The following KDM7A variants were observed in gnomAD, a reference collection of about 807,000 sequenced individuals.
KDM7A encodes the protein lysine demethylase 7A, also known as lysine-specific demethylase 7A.
A neutral mutation model predicts 114.8 loss-of-function variants in KDM7A; 28 were observed. The observed-to-expected ratio is 0.24, with a 90% confidence interval of 0.18 to 0.33. The LOEUF (loss-of-function observed/expected upper bound fraction) is 0.33. Among genes scored for constraint, KDM7A ranks in the 10% least tolerant of loss-of-function variants. The pLI is 1.00. For missense variants in KDM7A, 942 were observed against 1,142.5 expected, an observed-to-expected ratio of 0.82 and a Z score of 2.53; for synonymous variants, 423 against 397.8, an observed-to-expected ratio of 1.06 and a Z score of -0.75.
At chr7:140,163,953 G>C (rs1406633747) in intron 1 of KDM7A, among the ~76,000 whole-genome samples, 1 of 152,114 alleles carries the variant, frequency 6.6e-6, no homozygotes, top group Admixed American at 6.6e-5. Context: ...TAATTATAAT[G>C]ATAAAGGTAT....
At chr7:140,145,285 C>A (rs886952420) in intron 1 of KDM7A, among the ~76,000 whole-genome samples, 4 of 151,946 alleles carry the variant, frequency 2.6e-5, no homozygotes, top group Admixed American at 1.3e-4. Flanking sequence ...TAAAGGATGA[C>A]CCGTGAAATG....
chr7:140,129,193 G>T (rs1818750406), intron 4 of KDM7A, among the ~76,000 whole-genome samples: 1 of 152,036 alleles, frequency 6.6e-6, no homozygotes, highest in African/African-American at 2.4e-5. Context: ...CTTCTTCCTG[G>T]TATCTATATC....
At chr7:140,098,826 A>G (rs887029576) in intron 14 of KDM7A, 53 bp downstream of exon 14, 1 of 1,448,386 alleles carries the variant, frequency 6.9e-7, no homozygotes, top group Non-Finnish European at 9.5e-7. Flanking sequence ...TACTTTACAT[A>G]TTATCACATT....
intron 1 of KDM7A, among the ~76,000 whole-genome samples, chr7:140,175,525 G>A (rs984869029): frequency 1.3e-5 from 2 of 152,186 alleles, no homozygotes; most frequent in African/African-American, 4.8e-5. Flanking sequence ...AAAGGTGACC[G>A]CAGGCTTTGC....
At position 140,086,423 on chromosome 7, in the gene KDM7A, T is replaced by A. The variant is rs1585132563; in HGVS notation, c.*4671A>T. 2.6e-5 allele frequency: 4 copies of A among 152,200 alleles called. No homozygotes were observed. Among genetic ancestry groups the A allele is most frequent in the Middle Eastern group, 6.8e-3 (2 of 294 alleles). The allele number at this position is 152,200 out of a possible 1,614,324, so 9.4% of individuals were successfully genotyped here. On this transcript the variant is annotated 3_prime_UTR_variant, in exon 20 of 20. Coordinates refer to ENST00000397560, the MANE Select transcript of KDM7A (RefSeq NM_030647.2). ...AAAAAAATACTATAGAAGAATAAAATCACAGTCACAACAAGCTCATTGCTT... is the reference window on the plus strand; with the variant it reads ...AAAAAAATACTATAGAAGAATAAAAACACAGTCACAACAAGCTCATTGCTT...
At chr7:140,132,608 A>G (rs918525771) in intron 3 of KDM7A, among the ~76,000 whole-genome samples, 3 of 152,376 alleles carry the variant, frequency 2.0e-5, no homozygotes, top group African/African-American at 7.2e-5. Flanking sequence ...TTGGAAACTG[A>G]TAAAAAAGAA....
chr7:140,168,676 C>T (rs1213392698), intron 1 of KDM7A, among the ~76,000 whole-genome samples: 1 of 152,002 alleles, frequency 6.6e-6, no homozygotes, highest in East Asian at 1.9e-4. Flanking sequence ...AAGAATTGAC[C>T]TAAGTAACTT....
At chr7:140,148,120 C>A (rs896058559) in intron 1 of KDM7A, among the ~76,000 whole-genome samples, 1 of 151,828 alleles carries the variant, frequency 6.6e-6, no homozygotes, top group Non-Finnish European at 1.5e-5. Flanking sequence ...GAGGTTTGAG[C>A]CCAAATAGGA....
At chr7:140,099,283 C>T (rs569175455) in intron 13 of KDM7A, among the ~76,000 whole-genome samples, 1 of 152,322 alleles carries the variant, frequency 6.6e-6, no homozygotes, top group Admixed American at 6.5e-5. Flanking sequence ...TAAGTTTGAA[C>T]TCCTGGGCTC....
intron 6 of KDM7A, among the ~76,000 whole-genome samples, chr7:140,126,132 T>A (rs1000258300): frequency 5.3e-5 from 8 of 152,186 alleles, no homozygotes; most frequent in Admixed American, 4.6e-4. Context: ...GGTCTTGAAC[T>A]CCTGGGCTCA....
At chr7:140,106,722 T>G (rs548198216) in intron 11 of KDM7A, among the ~76,000 whole-genome samples, 59 of 152,370 alleles carry the variant, frequency 3.9e-4, no homozygotes, top group African/African-American at 1.3e-3. Context: ...TGGTCAACTT[T>G]GGAATAAGTG....
intron 11 of KDM7A, among the ~76,000 whole-genome samples, chr7:140,103,255 T>C (rs1457130382): frequency 6.6e-6 from 1 of 152,186 alleles, no homozygotes; most frequent in East Asian, 1.9e-4. Context: ...TTATTTCACT[T>C]AGCAAAATAT....
At chr7:140,092,765 GTCT>G (rs948705619) in intron 18 of KDM7A, among the ~76,000 whole-genome samples, 11 of 152,236 alleles carry the variant, frequency 7.2e-5, no homozygotes, top group African/African-American at 2.6e-4. Context: ...CATCCTCTAT[GTCT>G]TCATTTATTT....
chr7:140,106,794 C>T (rs1818344665), intron 11 of KDM7A, among the ~76,000 whole-genome samples: 2 of 152,142 alleles, frequency 1.3e-5, no homozygotes, highest in Admixed American at 1.3e-4. Context: ...CTGTAGATGT[C>T]TATCAGGTCC....
chr7:140,149,101 T>C (rs1385561665), intron 1 of KDM7A, among the ~76,000 whole-genome samples: 1 of 152,034 alleles, frequency 6.6e-6, no homozygotes, highest in Non-Finnish European at 1.5e-5. Context: ...GAATCTATGA[T>C]AATAAGGGTG....
chr7:140,144,710 TACACACACACAC>T (rs3030431), intron 1 of KDM7A, among the ~76,000 whole-genome samples: 1 of 146,322 alleles, frequency 6.8e-6, no homozygotes, highest in Admixed American at 6.8e-5. Flanking sequence ...GTCCCCACCA[TACACACACACAC>T]ACACACACAC....
Position 140,102,100 on chromosome 7 carries a change from A to C in KDM7A, c.1489T>G (p.Ser497Ala). The C allele has an allele frequency of 6.2e-7, 1 of 1,614,040 alleles. No homozygotes were observed. Among genetic ancestry groups the C allele is most frequent in the Non-Finnish European group, 8.5e-7 (1 of 1,179,946 alleles). The stretch of plus-strand genomic sequence containing the variant: ...TATGGGGAAGTTGCTTCATTTGAGG[A>C]TCGTGAAACTGGACACACAATAGGA... The part of the protein sequence containing the change: ...GIPIVCPVSR[S>A]SNEATSPYHS... Residue 497 changes from serine (S) to alanine (A), a missense_variant, in exon 12 of 20, where the codon TCC (serine) becomes GCC (alanine). By Grantham distance (99) the Ser-to-Ala change is moderately conservative. Coordinates refer to ENST00000397560, the MANE Select transcript of KDM7A (RefSeq NM_030647.2).
At chr7:140,100,707 T>C (rs865982203) in intron 12 of KDM7A, among the ~76,000 whole-genome samples, 398 of 37,506 alleles carry the variant, frequency 0.011, 3 homozygotes, top group Non-Finnish European at 0.016. Flanking sequence ...TATATATATA[T>C]ACACATATAT....
chr7:140,100,335 C>CA (rs773024766), intron 12 of KDM7A, among the ~76,000 whole-genome samples: 1 of 152,118 alleles, frequency 6.6e-6, no homozygotes, highest in Non-Finnish European at 1.5e-5. Flanking sequence ...AGCACTGCCT[C>CA]AGAGTATTTT....
Sources: allele counts gnomAD v4.1 joint callset (sites outside exome capture counted in the v4.1 genomes callset), GRCh38; gene constraint gnomAD v4.1.1; transcripts MANE v1.5; gene names NCBI Gene and HGNC (gene_info 2026-07-23, HGNC 2026-07-21).